Variants in CCDC187 observed in about 807,000 individuals in gnomAD.
CCDC187 encodes coiled-coil domain-containing protein 187.
A neutral mutation model predicts 38.0 loss-of-function variants in CCDC187; 32 were observed. The observed-to-expected ratio is 0.84, with a 90% CI of 0.64 to 1.13. The LOEUF (loss-of-function observed/expected upper bound fraction) is 1.13. Among genes scored for constraint, CCDC187 ranks in the 50% most tolerant of loss-of-function variants. The pLI is 0.00. For missense variants in CCDC187, 707 were observed against 786.8 expected, an observed-to-expected ratio of 0.90 and a Z score of 1.21; for synonymous variants, 333 against 347.9, an observed-to-expected ratio of 0.96 and a Z score of 0.48.
At chr9:136,293,457 ACT>A (rs1206370913) in intron 4 of CCDC187, among the ~76,000 whole-genome samples, 413 of 38,592 alleles carry the variant, frequency 0.011, 2 homozygotes, top group African/African-American at 0.026. Flanking sequence ...ACATGCTCAC[ACT>A]CACACTCACA....
In CCDC187 at chr9:136,260,128, C is replaced by T; in HGVS notation, c.4201G>A (p.Val1401Ile). 1 of 985,442 alleles carries T rather than the reference C, an allele frequency of 1.0e-6. No homozygotes were observed. Among genetic ancestry groups the T allele is most frequent in the African/African-American group, 1.7e-5 (1 of 57,342 alleles). 61.0% of individuals were successfully genotyped at this position (985,442 alleles called of 1,614,324 possible). The change falls in exon 20 of 26, where the codon GTC becomes ATC. Residue 1401 changes from valine to isoleucine, a missense_variant. Transcript: ENST00000638797. ...CGCGGCTGCTCATTACCTTGACTGA[C>T]ATGGCTGCCACTCTCCACCAGCGGG... ...QGPLVESGSHVSQEPGEQPRA... is the reference protein window; with the variant it reads ...QGPLVESGSHISQEPGEQPRA...
At chr9:136,263,514 G>A (rs1049143945) in intron 18 of CCDC187, 108 bp downstream of exon 18, 1 of 825,918 alleles carries the variant, frequency 1.2e-6, no homozygotes, top group Non-Finnish European at 1.5e-6. Context: ...GATTACAGGC[G>A]TGAGACACCG....
Position 136,262,235 on chromosome 9 carries a change from G to A in CCDC187, c.4064+76C>T, listed in dbSNP as rs1045305722. On this transcript the variant is annotated intron_variant, in intron 19 of 25. Transcript: ENST00000638797. ...AGCCAGGCTCGTCCACCGGCCACCC[G>A]GGGCAGAAAAGGCTTCTCAGGGGAA... is the stretch of plus-strand genomic sequence containing the variant. 33 of 983,134 alleles carry A rather than the reference G, an allele frequency of 3.4e-5. No homozygotes were observed. The Admixed American group carries it at 4.3e-4, about 13-fold the overall frequency. The allele number at this position is 983,134 out of a possible 1,614,324, so 60.9% of individuals were successfully genotyped here. A position where few individuals can be genotyped will look rare whatever the true frequency, so the allele number is the denominator to read the frequency against.
At position 136,301,877 on chromosome 9, in the gene CCDC187, C is replaced by T. The variant is rs1036658959; in HGVS notation, c.625+935G>A. Among the ~76,000 whole-genome samples the T allele has an allele frequency of 2.6e-5, 4 of 152,126 alleles. No homozygotes were observed. In the East Asian group the frequency reaches 7.8e-4, roughly 30 times the overall value. ...TGCTGGGATTACAGGCATCAGCCACCGCTCCCGGACTACATATTTTTTTTA... is the reference window on the plus strand; with the variant it reads ...TGCTGGGATTACAGGCATCAGCCACTGCTCCCGGACTACATATTTTTTTTA... On this transcript the variant is annotated intron_variant, in intron 2 of 25. Coordinates refer to ENST00000638797, the MANE Select transcript of CCDC187 (RefSeq NM_001378188.1).
At chr9:136,259,942 G>A (rs1364263534) in intron 20 of CCDC187, among the ~76,000 whole-genome samples, 177 bp downstream of exon 20, 4 of 152,190 alleles carry the variant, frequency 2.6e-5, no homozygotes, top group Non-Finnish European at 5.9e-5. Flanking sequence ...CCCACTGTGT[G>A]CTCTGCTGTG....
rs1830522925 is a variant in CCDC187 at position 136,250,562 on chromosome 9, C to G, written c.*3032G>C. ...CAATAAATGGAAAAAAATAAAAAATCACAGACTAATTTGTTCAGAAGACTA... is the reference window on the plus strand; with the variant it reads ...CAATAAATGGAAAAAAATAAAAAATGACAGACTAATTTGTTCAGAAGACTA... On this transcript the variant is annotated 3_prime_UTR_variant, in exon 26 of 26. Transcript: ENST00000638797. 2.9e-6 allele frequency: 1 copy of G among 347,734 alleles called. No individual in the cohort carries two copies. The highest frequency in any genetic ancestry group is 2.2e-5 in the South Asian group (1 of 45,874). 21.5% of individuals were successfully genotyped at this position (347,734 alleles called of 1,614,324 possible). A position where few individuals can be genotyped will look rare whatever the true frequency, so the allele number is the denominator to read the frequency against.
In CCDC187 at chr9:136,269,241, G is replaced by A. The variant is rs188289529; in HGVS notation, c.3443-1116C>T. On this transcript the variant is annotated intron_variant, in intron 14 of 25. Transcript: ENST00000638797. ...ACAGAACGTTCTTGCCTTGACTGTC[G>A]GAAATGATTAGCCCCAGGCTGAGCA... is the stretch of plus-strand genomic sequence containing the variant. 1.9e-3 allele frequency among the ~76,000 whole-genome samples: 290 copies of A among 152,290 alleles called. 3 individuals are homozygous for A. Among genetic ancestry groups the A allele is most frequent in the African/African-American group, 6.8e-3 (283 of 41,542 alleles).
At chr9:136,261,709 G>A (rs1373598486) in intron 19 of CCDC187, among the ~76,000 whole-genome samples, 1 of 152,224 alleles carries the variant, frequency 6.6e-6, no homozygotes, top group Non-Finnish European at 1.5e-5. Flanking sequence ...GGCTGGGAAA[G>A]AGCCTCAGGA....
intron 4 of CCDC187, among the ~76,000 whole-genome samples, chr9:136,293,241 ACT>A (rs1257690755): frequency 9.0e-5 from 13 of 144,474 alleles, no homozygotes; most frequent in African/African-American, 3.6e-4. Context: ...ACACGCTCAC[ACT>A]CACATGCTTA....
Position 136,276,203 on chromosome 9 carries a change from C to A in CCDC187, c.3216G>T (p.Arg1072Ser), listed in dbSNP as rs1430561383. Residue 1072 changes from arginine (R) to serine (S), a missense_variant, in exon 12 of 26, where the codon AGG becomes AGT. Physicochemically the swap from Arg to Ser is moderately radical, Grantham distance 110. Coordinates refer to ENST00000638797, the MANE Select transcript of CCDC187 (RefSeq NM_001378188.1). ...GGCAAGCGGCTGCTACCTCCAGCCG[C>A]CTCCTGAAGAGCAGCCCATCCAGGG... ...QQTLDGLLFR[R>S]RLEQLMERHS... is the part of the protein sequence containing the mutation. The A allele has an allele frequency of 2.0e-5, 3 of 152,232 alleles. No individual in the cohort carries two copies. Among genetic ancestry groups the A allele is most frequent in the African/African-American group, 7.2e-5 (3 of 41,456 alleles). 9.4% of individuals were successfully genotyped at this position (152,232 alleles called of 1,614,324 possible).
At chr9:136,281,482 G>A in intron 10 of CCDC187, 69 bp downstream of exon 10, 1 of 398,690 alleles carries the variant, frequency 2.5e-6, no homozygotes, top group Non-Finnish European at 4.4e-6. Context: ...GGCAGTGGAA[G>A]GTGTTCTCGG....
chr9:136,283,855 C>G (rs1386159714), intron 9 of CCDC187, among the ~76,000 whole-genome samples: 1 of 152,196 alleles, frequency 6.6e-6, no homozygotes, highest in Admixed American at 6.5e-5. Context: ...GGGCAGAAGT[C>G]GTCCTGGGCA....
intron 9 of CCDC187, among the ~76,000 whole-genome samples, chr9:136,283,674 C>T (rs1426944942): frequency 6.6e-6 from 1 of 152,246 alleles, no homozygotes; most frequent in African/African-American, 2.4e-5. Flanking sequence ...CCTGGCCGCA[C>T]CTCTGCCCCT....
At position 136,257,074 on chromosome 9, in the gene CCDC187, C is replaced by T. The variant is rs1453183578; in HGVS notation, c.4367-233G>A. 9.9e-5 allele frequency among the ~76,000 whole-genome samples: 15 copies of T among 152,198 alleles called. No homozygotes were observed. The highest frequency in any genetic ancestry group is 2.9e-4 in the African/African-American group (12 of 41,446). ...CCCAGCCAAAAGTTTAGAGAAAATT[C>T]GTTTAGAATTCAGAGGCCGGCTGGG... On this transcript the variant is annotated intron_variant, in intron 22 of 25. Coordinates refer to ENST00000638797, the MANE Select transcript of CCDC187 (RefSeq NM_001378188.1). The surrounding 1 kb of genome is among the most constrained non-coding windows in gnomAD (Gnocchi z 4.5).
At chr9:136,294,879 G>A (rs1831496812) in intron 4 of CCDC187, among the ~76,000 whole-genome samples, 1 of 152,248 alleles carries the variant, frequency 6.6e-6, no homozygotes. Flanking sequence ...GGTAGAGGAA[G>A]GTTTAGGGCG....
chr9:136,277,475 GGGTGCTGAGGGGGTGGGCA>G (rs1364485962), intron 10 of CCDC187, among the ~76,000 whole-genome samples: 9 of 130,902 alleles, frequency 6.9e-5, no homozygotes, highest in South Asian at 2.7e-4. Flanking sequence ...CAGGGTGGGT[GGGTGCTGAGGGGGTGGGCA>G]GGTGCTGAGG....
At chr9:136,268,635 G>T (rs1192435823) in intron 14 of CCDC187, among the ~76,000 whole-genome samples, 1 of 152,030 alleles carries the variant, frequency 6.6e-6, no homozygotes, top group Non-Finnish European at 1.5e-5. Flanking sequence ...AGAGCAAAAG[G>T]GACTGGATTT....
intron 20 of CCDC187, 119 bp downstream of exon 20, chr9:136,260,000 G>T: frequency 1.2e-6 from 1 of 846,016 alleles, no homozygotes; most frequent in Non-Finnish European, 1.4e-6. Flanking sequence ...CACAGGCGGG[G>T]CACAGCAGGC....
intron 18 of CCDC187, among the ~76,000 whole-genome samples, chr9:136,263,194 G>GC (rs1554761203): frequency 1.3e-5 from 1 of 76,458 alleles, no homozygotes; most frequent in African/African-American, 5.2e-5. Flanking sequence ...CCCTCCATCT[G>GC]CCCCACCCCA....
Sources: gnomAD v4.1 joint callset for allele counts (sites outside exome capture counted in the v4.1 genomes callset) on GRCh38, gnomAD v4.1.1 for gene constraint, Gnocchi (gnomAD v3.1) non-coding constraint, MANE v1.5 for transcripts, NCBI Gene and HGNC (gene_info 2026-07-23, HGNC 2026-07-21) for gene names.